The following TASP1 variants were observed in gnomAD, a reference collection of about 807,000 sequenced individuals.
The protein encoded by TASP1 is taspase 1.
A neutral mutation model predicts 56.6 loss-of-function variants in TASP1; 16 were observed. The observed-to-expected ratio is 0.28, with a 90% CI of 0.19 to 0.43. The LOEUF is 0.43. Ranked by LOEUF, TASP1 falls within the 20% of genes least tolerant of loss-of-function variation. TASP1 has a pLI of 1.00. For synonymous variants in TASP1, 179 were observed against 184.2 expected (o/e 0.97, Z 0.23); for missense variants, 393 against 511.6 (o/e 0.77, Z 2.24).
the TASP1 span, among the ~76,000 whole-genome samples, chr20:13,363,387 C>T: frequency 6.6e-6 from 1 of 152,052 alleles, no homozygotes; most frequent in Non-Finnish European, 1.5e-5. Context: ...GTGTGGTGCA[C>T]CCTAACTCCA....
rs757109969 is a variant in TASP1 at position 13,396,663 on chromosome 20, G to C, written c.1171-6211C>G. 2.6e-5 allele frequency among the ~76,000 whole-genome samples: 4 copies of C among 152,108 alleles called. No homozygotes were observed. In the South Asian group the frequency reaches 6.2e-4, roughly 24 times the overall value. On this transcript the variant is annotated intron_variant, in intron 13 of 13. Transcript: ENST00000337743. ...TAAATTAAAAGTATTAAATAGGCCA[G>C]AGCAATTTGAAGATACAATTCCCGA...
At chr20:13,144,507 G>C in the TASP1 span, among the ~76,000 whole-genome samples, 1 of 152,208 alleles carries the variant, frequency 6.6e-6, no homozygotes. Flanking sequence ...TATAGATATA[G>C]AGGCAGATAG....
the TASP1 span, among the ~76,000 whole-genome samples, chr20:13,330,236 T>C: frequency 4.6e-5 from 7 of 152,214 alleles, no homozygotes; most frequent in African/African-American, 1.7e-4. Flanking sequence ...ATTACAGGCA[T>C]GAGCCACCAC....
At chr20:13,412,687 G>GC (rs1337777428) in intron 13 of TASP1, among the ~76,000 whole-genome samples, 1 of 151,844 alleles carries the variant, frequency 6.6e-6, no homozygotes, top group Non-Finnish European at 1.5e-5. Context: ...CATTCACTAA[G>GC]TTTTTTTTAA....
chr20:13,294,390 A>T, the TASP1 span, among the ~76,000 whole-genome samples: 2 of 152,148 alleles, frequency 1.3e-5, no homozygotes, highest in African/African-American at 2.4e-5. Flanking sequence ...AATAGAAATG[A>T]CTTTAAAGGC....
the TASP1 span, among the ~76,000 whole-genome samples, chr20:13,232,720 C>T: frequency 6.6e-6 from 1 of 152,148 alleles, no homozygotes; most frequent in Non-Finnish European, 1.5e-5. Flanking sequence ...TTTTGGTGCA[C>T]TCACATAAAG....
At chr20:13,286,559 A>G in the TASP1 span, among the ~76,000 whole-genome samples, 1 of 151,988 alleles carries the variant, frequency 6.6e-6, no homozygotes, top group African/African-American at 2.4e-5. Flanking sequence ...TTTTTGGGGG[A>G]TTGGGAGGAA....
chr20:13,457,624 CTTTTA>C (rs983535062), intron 11 of TASP1, among the ~76,000 whole-genome samples: 4 of 151,888 alleles, frequency 2.6e-5, no homozygotes, highest in African/African-American at 9.7e-5. Flanking sequence ...TATTTTTCAA[CTTTTA>C]TTTTAGATTC....
chr20:13,194,395 G>A, the TASP1 span, among the ~76,000 whole-genome samples: 2 of 152,118 alleles, frequency 1.3e-5, no homozygotes, highest in Admixed American at 6.5e-5. Flanking sequence ...TAGGGCATTT[G>A]GTGTAGAGTA....
the TASP1 span, among the ~76,000 whole-genome samples, chr20:13,111,156 C>T: frequency 6.7e-3 from 1,019 of 152,214 alleles, 16 homozygotes; most frequent in African/African-American, 0.023. Context: ...AACTCCAGTA[C>T]TTCTGCCCCC....
chr20:13,509,787 C>T (rs922777184), intron 10 of TASP1, among the ~76,000 whole-genome samples: 2 of 152,054 alleles, frequency 1.3e-5, no homozygotes, highest in African/African-American at 2.4e-5. Context: ...CCATCACGCC[C>T]GGCTAATTTT....
chr20:13,587,266 T>G lies in TASP1; in HGVS notation c.387A>C (p.Ala129=). 6.2e-7 allele frequency: 1 copy of G among 1,612,692 alleles called. No individual in the cohort carries two copies. Residue 129 remains alanine (A), a synonymous_variant, in exon 5 of 14, where the codon GCA becomes GCC. Transcript: ENST00000337743. ...CCCACATACCACTCAGTGCTCCAAC[T>G]GCTCCAAAATTTAAGGATTTTCCAT... is the stretch of plus-strand genomic sequence containing the variant. ...IMDGKSLNFG[A]VGALSGIKNP...
chr20:13,604,516 G>C (rs926984167), intron 4 of TASP1, among the ~76,000 whole-genome samples: 1 of 152,162 alleles, frequency 6.6e-6, no homozygotes, highest in African/African-American at 2.4e-5. Flanking sequence ...AGAGCCAAGA[G>C]CCAAATAAAC....
chr20:13,127,778 G>GA, the TASP1 span, among the ~76,000 whole-genome samples: 5 of 152,228 alleles, frequency 3.3e-5, no homozygotes, highest in African/African-American at 9.6e-5. Flanking sequence ...CCTGCAGGAG[G>GA]ATATTTTTTC....
the TASP1 span, among the ~76,000 whole-genome samples, chr20:13,230,305 TC>T: frequency 6.6e-6 from 1 of 152,254 alleles, no homozygotes; most frequent in Non-Finnish European, 1.5e-5. Context: ...CACTTTTTTT[TC>T]TTCCCAGAGT....
intron 10 of TASP1, among the ~76,000 whole-genome samples, chr20:13,519,848 G>T (rs2044672767): frequency 6.6e-6 from 1 of 152,174 alleles, no homozygotes; most frequent in Non-Finnish European, 1.5e-5. Context: ...GTTTGCAGAT[G>T]ACATGATTGT....
At chr20:13,107,074 A>G in the TASP1 span, among the ~76,000 whole-genome samples, 1 of 152,224 alleles carries the variant, frequency 6.6e-6, no homozygotes, top group African/African-American at 2.4e-5. Flanking sequence ...AAAAAATGGT[A>G]AGAAAAACAT....
In TASP1 at chr20:13,539,370, G is replaced by GCAGA. The variant is rs770750897; in HGVS notation, c.676-5233_676-5230dup. On this transcript the variant is annotated intron_variant, in intron 8 of 13. Coordinates refer to ENST00000337743, the MANE Select transcript of TASP1 (RefSeq NM_017714.3). Reference sequence around the variant, plus strand: ...AAATCTAAACAGAGTGGTCAACATAGCAGACCCTGCCTCTACAAAAAATAA... The same window carrying GCAGA: ...AAATCTAAACAGAGTGGTCAACATAGCAGACAGACCCTGCCTCTACAAAAAATAA... Among the ~76,000 whole-genome samples, 338 of 152,046 alleles carry GCAGA rather than the reference G, an allele frequency of 2.2e-3. 2 individuals are homozygous for GCAGA. The highest frequency in any genetic ancestry group is 1.5e-3 in the Non-Finnish European group (99 of 67,960).
At chr20:13,121,290 G>A in the TASP1 span, among the ~76,000 whole-genome samples, 1 of 152,124 alleles carries the variant, frequency 6.6e-6, no homozygotes, top group Admixed American at 6.6e-5. Flanking sequence ...ACTGGGACAG[G>A]GCAGACAAAT....
Sources: gnomAD v4.1 joint callset for allele counts (sites outside exome capture counted in the v4.1 genomes callset) on GRCh38, gnomAD v4.1.1 for gene constraint, MANE v1.5 for transcripts, NCBI Gene and HGNC (gene_info 2026-07-23, HGNC 2026-07-21) for gene names.